The following AKT3 variants were observed in gnomAD, a reference collection of about 807,000 sequenced individuals.
AKT3 encodes the protein AKT serine/threonine kinase 3.
AKT3 carries 15 observed loss-of-function variants against 65.3 expected under a neutral mutation model. The ratio of observed to expected loss-of-function variants is 0.23; its 90% confidence interval spans 0.15 to 0.35. AKT3 has a LOEUF of 0.35. AKT3 is among the 10% of genes least tolerant of loss of function. The pLI is 1.00. For synonymous variants in AKT3, 206 were observed against 183.8 expected (o/e 1.12, Z -0.98); for missense variants, 243 against 576.5 (o/e 0.42, Z 5.92).
In AKT3 at chr1:243,850,030, T is replaced by TGGCTGTTACCTGCAACGGCGGCGGCGGC; in HGVS notation, c.-131_-113+9dup. 1 of 977,832 alleles carries TGGCTGTTACCTGCAACGGCGGCGGCGGC rather than the reference T, an allele frequency of 1.0e-6. No homozygotes were observed. Among genetic ancestry groups the TGGCTGTTACCTGCAACGGCGGCGGCGGC allele is most frequent in the African/African-American group, 1.9e-5 (1 of 53,824 alleles). 60.6% of individuals were successfully genotyped at this position (977,832 alleles called of 1,614,324 possible). A position where few individuals can be genotyped will look rare whatever the true frequency, so the allele number is the denominator to read the frequency against. On this transcript the variant is annotated intron_variant, in intron 1 of 13. Transcript: ENST00000673466. ...GGGAGGGGGCTAGAGTTGGGGGCGG[T>TGGCTGTTACCTGCAACGGCGGCGGCGGC]GGCTGTTACCTGCAACGGCGGCGGC...
chr1:243,488,558 G>T, intron 13 of AKT3: 1 of 216,532 alleles, frequency 4.6e-6, no homozygotes, highest in South Asian at 7.4e-5. Flanking sequence ...GGTCAGCGAT[G>T]CCGGAGCTCG....
intron 8 of AKT3, among the ~76,000 whole-genome samples, chr1:243,573,596 T>C (rs367822212): frequency 6.6e-6 from 1 of 152,206 alleles, no homozygotes; most frequent in Admixed American, 6.5e-5. Context: ...TTTTCTATGG[T>C]GAGAAACTTT....
At chr1:243,712,279 T>A (rs1286955933) in intron 2 of AKT3, among the ~76,000 whole-genome samples, 2 of 152,032 alleles carry the variant, frequency 1.3e-5, no homozygotes, top group Non-Finnish European at 2.9e-5. Flanking sequence ...CGGATTAGAG[T>A]CACTTGAGTA....
chr1:243,653,320 CCAA>C (rs1274177775), intron 4 of AKT3, among the ~76,000 whole-genome samples: 17 of 152,262 alleles, frequency 1.1e-4, no homozygotes, highest in Middle Eastern at 3.4e-3. Context: ...CCTGAATAGA[CCAA>C]CAACAAGTTC....
intron 3 of AKT3, among the ~76,000 whole-genome samples, chr1:243,684,605 C>A (rs1377950580): frequency 6.6e-6 from 1 of 152,176 alleles, no homozygotes; most frequent in Non-Finnish European, 1.5e-5. Flanking sequence ...GTGAATAGGG[C>A]TGCAATAAAC....
At chr1:243,708,528 A>T (rs771062686) in intron 2 of AKT3, among the ~76,000 whole-genome samples, 8 of 152,014 alleles carry the variant, frequency 5.3e-5, no homozygotes, top group Non-Finnish European at 8.8e-5. Context: ...CCTCATCATT[A>T]TCTGTACCTC....
chr1:243,497,146 G>T (rs187024888), downstream of AKT3, among the ~76,000 whole-genome samples: 3 of 152,142 alleles, frequency 2.0e-5, no homozygotes, highest in South Asian at 6.2e-4. Flanking sequence ...AATAAGCATC[G>T]TGGATATCCC....
intron 8 of AKT3, among the ~76,000 whole-genome samples, chr1:243,595,515 C>T (rs1445214469): frequency 2.0e-5 from 3 of 152,208 alleles, no homozygotes; most frequent in Admixed American, 1.3e-4. Context: ...TTTAAAAACG[C>T]CTTGACTCTT....
At chr1:243,746,655 T>C (rs1370128049) in intron 2 of AKT3, among the ~76,000 whole-genome samples, 1 of 152,222 alleles carries the variant, frequency 6.6e-6, no homozygotes, top group Non-Finnish European at 1.5e-5. Context: ...ACAGAAAAGA[T>C]GAGGGGTCTC....
chr1:243,522,687 G>A (rs1379913817), intron 12 of AKT3, among the ~76,000 whole-genome samples: 1 of 151,774 alleles, frequency 6.6e-6, no homozygotes, highest in African/African-American at 2.4e-5. Context: ...CATATAAACT[G>A]GAAAAAACTT....
At chr1:243,604,654 C>T (rs1677262589) in intron 8 of AKT3, among the ~76,000 whole-genome samples, 1 of 152,194 alleles carries the variant, frequency 6.6e-6, no homozygotes, top group African/African-American at 2.4e-5. Context: ...CTTTCCTCTG[C>T]TCCTCAGGTT....
chr1:243,532,425 T>C (rs1423487771), intron 12 of AKT3, among the ~76,000 whole-genome samples: 1 of 152,206 alleles, frequency 6.6e-6, no homozygotes, highest in Non-Finnish European at 1.5e-5. Flanking sequence ...TCATGCAAGT[T>C]TTCTCCTTCA....
At chr1:243,820,852 T>C (rs534136045) in intron 2 of AKT3, among the ~76,000 whole-genome samples, 1 of 152,208 alleles carries the variant, frequency 6.6e-6, no homozygotes, top group South Asian at 2.1e-4. Context: ...CAAGTTGGAA[T>C]ATATACTTCA....
At chr1:243,577,801 C>G (rs1675050583) in intron 8 of AKT3, among the ~76,000 whole-genome samples, 1 of 151,904 alleles carries the variant, frequency 6.6e-6, no homozygotes, top group South Asian at 2.1e-4. Flanking sequence ...TGACAAAGGT[C>G]TAATATCCAG....
intron 3 of AKT3, among the ~76,000 whole-genome samples, chr1:243,685,445 C>T (rs1179865166): frequency 6.6e-6 from 1 of 152,232 alleles, no homozygotes; most frequent in Non-Finnish European, 1.5e-5. Flanking sequence ...AATCCTTTCC[C>T]CATTGCTTGT....
intron 2 of AKT3, among the ~76,000 whole-genome samples, chr1:243,752,323 G>A (rs1688860112): frequency 6.6e-6 from 1 of 152,104 alleles, no homozygotes; most frequent in Admixed American, 6.5e-5. Context: ...GTAACCATGA[G>A]CACTGCTTTC....
At position 243,505,076 on chromosome 1, in the gene AKT3, G is replaced by A. The variant is rs1010910652; in HGVS notation, c.*173C>T. On this transcript the variant is annotated 3_prime_UTR_variant, in exon 14 of 14. Coordinates refer to ENST00000673466, the MANE Select transcript of AKT3 (RefSeq NM_005465.7). Reference sequence around the variant, plus strand: ...CAAAAACAAAAACTGGAGTGTATTTGCGTGTATGTGTGTTTTCATGAGGGT... The same window carrying A: ...CAAAAACAAAAACTGGAGTGTATTTACGTGTATGTGTGTTTTCATGAGGGT... 2 of 589,156 alleles carry A rather than the reference G, an allele frequency of 3.4e-6. No individual in the cohort carries two copies. The highest frequency in any genetic ancestry group is 6.0e-6 in the Non-Finnish European group (2 of 331,688). The allele number at this position is 589,156 out of a possible 1,614,324, so 36.5% of individuals were successfully genotyped here. A position where few individuals can be genotyped will look rare whatever the true frequency, so the allele number is the denominator to read the frequency against.
chr1:243,778,969 G>A (rs1211918567), intron 2 of AKT3, among the ~76,000 whole-genome samples: 4 of 148,210 alleles, frequency 2.7e-5, no homozygotes, highest in South Asian at 4.3e-4. Context: ...ATTCTTTTTC[G>A]ACTATGTAAT....
rs537279551 is a variant in AKT3, at chr1:243,633,607, A to C, written c.561+4004T>G. 9.2e-5 allele frequency among the ~76,000 whole-genome samples: 14 copies of C among 152,238 alleles called. No homozygotes were observed. In the East Asian group the frequency reaches 2.7e-3, roughly 29 times the overall value. Reference sequence around the variant, plus strand: ...CTATAACTTCAGGATATTAAATATAACCTATACAAAGAAAATAGCTATAGA... The same window carrying C: ...CTATAACTTCAGGATATTAAATATACCCTATACAAAGAAAATAGCTATAGA... On this transcript the variant is annotated intron_variant, in intron 6 of 13. Transcript: ENST00000673466.
Sources: allele counts gnomAD v4.1 joint callset (sites outside exome capture counted in the v4.1 genomes callset), GRCh38; gene constraint gnomAD v4.1.1; transcripts MANE v1.5; gene names NCBI Gene and HGNC (gene_info 2026-07-23, HGNC 2026-07-21).